The following VRTN variants were observed in gnomAD, a reference collection of about 807,000 sequenced individuals.
The protein encoded by VRTN is vertnin.
VRTN carries 5 observed loss-of-function variants against 18.2 expected under a neutral mutation model. The ratio of observed to expected loss-of-function variants is 0.27; its 90% CI spans 0.14 to 0.58. The LOEUF is 0.58. Ranked by LOEUF, VRTN falls within the 20% of genes least tolerant of loss-of-function variation. VRTN has a pLI of 0.91. For missense variants in VRTN, 741 were observed against 939.4 expected (o/e 0.79, Z 2.76); for synonymous variants, 381 against 393.7 (o/e 0.97, Z 0.38).
At chr14:74,342,810 A>G (rs532556748) in intron 2 of VRTN, among the ~76,000 whole-genome samples, 20 of 152,028 alleles carry the variant, frequency 1.3e-4, no homozygotes, top group Non-Finnish European at 2.6e-4. Context: ...TGTGGAGACA[A>G]GGTCTCACTG....
intron 2 of VRTN, among the ~76,000 whole-genome samples, chr14:74,342,379 C>A (rs1346712488): frequency 6.6e-6 from 1 of 152,086 alleles, no homozygotes; most frequent in Non-Finnish European, 1.5e-5. Context: ...CTTAATATAT[C>A]CTACATTTAT....
At chr14:74,313,551 A>G (rs1411217570) in intron 1 of VRTN, among the ~76,000 whole-genome samples, 2 of 152,190 alleles carry the variant, frequency 1.3e-5, no homozygotes, top group African/African-American at 4.8e-5. Context: ...AGCCTATTAA[A>G]TTTGTGAGCA....
At chr14:74,345,848 T>C (rs1308922134), upstream of VRTN, among the ~76,000 whole-genome samples, 1 of 145,402 alleles carries the variant, frequency 6.9e-6, no homozygotes. Flanking sequence ...CACTTGAACC[T>C]GGGAGTTGGA....
At chr14:74,318,604 G>A (rs574129095) in intron 1 of VRTN, among the ~76,000 whole-genome samples, 122 of 151,954 alleles carry the variant, frequency 8.0e-4, no homozygotes, top group South Asian at 1.9e-3. Flanking sequence ...TAGAGAAGGC[G>A]TTTCACCATG....
At chr14:74,332,890 C>T (rs192525418) in intron 1 of VRTN, among the ~76,000 whole-genome samples, 40 of 152,250 alleles carry the variant, frequency 2.6e-4, no homozygotes, top group Non-Finnish European at 5.0e-4. Context: ...CCACCTTCTT[C>T]AGGAAACTTT....
chr14:74,325,991 CT>C (rs1651004083), intron 1 of VRTN, among the ~76,000 whole-genome samples: 1 of 152,102 alleles, frequency 6.6e-6, no homozygotes, highest in Non-Finnish European at 1.5e-5. Flanking sequence ...TACAAAAACT[CT>C]GAGAAGTAGG....
chr14:74,328,540 G>A (rs553057549), intron 1 of VRTN, among the ~76,000 whole-genome samples: 1 of 152,300 alleles, frequency 6.6e-6, no homozygotes, highest in African/African-American at 2.4e-5. Flanking sequence ...CTGCAACACT[G>A]TTTCTGATAG....
At position 74,306,161 on chromosome 14, in the gene VRTN, TATATA is replaced by T. The variant is rs1567036645; in HGVS notation, c.-164+2986_-164+2990del. 482 of 70,954 alleles carry T rather than the reference TATATA, an allele frequency of 6.8e-3. 17 individuals carry two copies. In the East Asian group the frequency reaches 0.085, roughly 13 times the overall value. 4.4% of individuals were successfully genotyped at this position (70,954 alleles called of 1,614,324 possible). A position where few individuals can be genotyped will look rare whatever the true frequency, so the allele number is the denominator to read the frequency against. On this transcript the variant is annotated intron_variant, in intron 1 of 2. Transcript: ENST00000557177. ...AAAAATATACATATATATATATATA[TATATA>T]TATATATTTTTTTTTTTTTTTTGAG...
In VRTN at chr14:74,357,902, G is replaced by A. The variant is rs368015162; in HGVS notation, c.1119G>A (p.Glu373=). 14 of 1,614,044 alleles carry A rather than the reference G, an allele frequency of 8.7e-6. No homozygotes were observed. The African/African-American group carries it at 1.6e-4, about 18-fold the overall frequency. ...LPPREVLGME[E]LEKLPEEQVA... is the part of the protein sequence containing the mutation. ...CCAGGGAGGTGCTGGGCATGGAGGAGCTAGAGAAGCTGCCGGAGGAGCAGG... is the reference window on the plus strand; with the variant it reads ...CCAGGGAGGTGCTGGGCATGGAGGAACTAGAGAAGCTGCCGGAGGAGCAGG... The change falls in exon 2 of 2, where the codon GAG becomes GAA. Residue 373 remains glutamate (E), a synonymous_variant. Transcript: ENST00000256362. The surrounding 1 kb of genome is among the most constrained non-coding windows in gnomAD (Gnocchi z 7.8).
chr14:74,340,154 C>T (rs12888573), intron 2 of VRTN, among the ~76,000 whole-genome samples: 72,743 of 147,248 alleles, frequency 0.49, 19,629 homozygotes, highest in East Asian at 0.83. Flanking sequence ...CTCTTGTTGC[C>T]CAGGCTGGAG....
At chr14:74,338,375 A>C (rs2085578947) in intron 2 of VRTN, among the ~76,000 whole-genome samples, 1 of 152,154 alleles carries the variant, frequency 6.6e-6, no homozygotes, top group Non-Finnish European at 1.5e-5. Context: ...TGAGGGGCTC[A>C]AGAAATACTT....
At chr14:74,345,363 T>G (rs1595172880), upstream of VRTN, among the ~76,000 whole-genome samples, 1 of 146,688 alleles carries the variant, frequency 6.8e-6, no homozygotes, top group East Asian at 2.0e-4. Flanking sequence ...TTTTTTTTTT[T>G]TTTTTTGAGA....
chr14:74,327,024 G>C (rs1440247102), intron 1 of VRTN, among the ~76,000 whole-genome samples: 2 of 152,132 alleles, frequency 1.3e-5, no homozygotes, highest in Non-Finnish European at 2.9e-5. Flanking sequence ...CCTGATTTCA[G>C]GCCCCACAGG....
intron 1 of VRTN, among the ~76,000 whole-genome samples, chr14:74,326,816 C>T (rs1194228033): frequency 6.6e-6 from 1 of 152,170 alleles, no homozygotes; most frequent in Non-Finnish European, 1.5e-5. Flanking sequence ...CGGCTCAGGC[C>T]CACTGGACCC....
intron 1 of VRTN, among the ~76,000 whole-genome samples, chr14:74,355,297 T>C (rs2085718120): frequency 6.6e-6 from 1 of 152,182 alleles, no homozygotes; most frequent in Non-Finnish European, 1.5e-5. Context: ...CTGCCAAATA[T>C]ATCCAAATCT....
At chr14:74,327,710 T>TTTATTA (rs1555410821) in intron 1 of VRTN, among the ~76,000 whole-genome samples, 5 of 150,994 alleles carry the variant, frequency 3.3e-5, no homozygotes, top group South Asian at 4.2e-4. Flanking sequence ...TTGATTTTAT[T>TTTATTA]TTATTATTAT....
intron 1 of VRTN, among the ~76,000 whole-genome samples, chr14:74,306,791 A>G (rs2085355628): frequency 6.6e-6 from 1 of 151,136 alleles, no homozygotes; most frequent in East Asian, 1.9e-4. Flanking sequence ...TTTTAAATAG[A>G]GATGAGGTCT....
intron 1 of VRTN, among the ~76,000 whole-genome samples, chr14:74,356,429 C>T (rs2085727750): frequency 6.6e-6 from 1 of 152,232 alleles, no homozygotes; most frequent in African/African-American, 2.4e-5. Context: ...AGTGATTCAT[C>T]TGCCTTGGCC....
rs191231412 is a variant in VRTN at position 74,342,812 on chromosome 14, G to T, written c.-2+4928G>T. 1.3e-3 allele frequency among the ~76,000 whole-genome samples: 199 copies of T among 152,080 alleles called. 1 individual carries two copies. Among genetic ancestry groups the T allele is most frequent in the Non-Finnish European group, 2.4e-3 (160 of 68,000 alleles). On this transcript the variant is annotated intron_variant, in intron 2 of 2. Coordinates refer to the VRTN transcript ENST00000557177. ...TCTTTTTTACTTTTGTGGAGACAAGGTCTCACTGTGTTGCTCAAGCTGGTG... is the reference window on the plus strand; with the variant it reads ...TCTTTTTTACTTTTGTGGAGACAAGTTCTCACTGTGTTGCTCAAGCTGGTG...
Sources: gnomAD v4.1 joint callset for allele counts (sites outside exome capture counted in the v4.1 genomes callset) on GRCh38, gnomAD v4.1.1 for gene constraint, Gnocchi (gnomAD v3.1) non-coding constraint, MANE v1.5 for transcripts, NCBI Gene and HGNC (gene_info 2026-07-23, HGNC 2026-07-21) for gene names.